The following CCDC92B variants were observed in gnomAD, a reference collection of about 807,000 sequenced individuals.
CCDC92B encodes the protein coiled-coil domain-containing 92B.
A neutral mutation model predicts 5.6 loss-of-function variants in CCDC92B; 2 were observed. That is an observed-to-expected ratio of 0.36 (90% CI 0.15 to 1.12). The LOEUF (loss-of-function observed/expected upper bound fraction) is 1.12. CCDC92B is among the 50% of genes most tolerant of loss of function. CCDC92B has a pLI of 0.40. For synonymous variants in CCDC92B, 115 were observed against 122.3 expected (o/e 0.94, Z 0.39); for missense variants, 271 against 262.2 (o/e 1.03, Z -0.23).
intron 1 of CCDC92B, among the ~76,000 whole-genome samples, chr17:2,740,359 C>T (rs1329067472): frequency 6.6e-6 from 1 of 151,878 alleles, no homozygotes; most frequent in Non-Finnish European, 1.5e-5. Flanking sequence ...GTGGGCCTGA[C>T]CTAATTAGGC....
Position 2,724,567 on chromosome 17 carries a change from G to A in CCDC92B, c.612C>T (p.Ala204=). Residue 204 remains alanine (A), a synonymous_variant, in exon 4 of 4, where the codon GCC becomes GCT. Transcript: ENST00000614400. This position sits in a 1 kb window ranked among gnomAD's most constrained non-coding sequence, Gnocchi z 5.0. ...WDRGAGALDD[A]DPMPDPALFL... ...AGAGCGCGGGGTCGGGCATGGGGTC[G>A]GCGTCGTCGAGGGCGCCGGCCCCGC... 1 of 982,184 alleles carries A rather than the reference G, an allele frequency of 1.0e-6. No individual in the cohort carries two copies. Among genetic ancestry groups the A allele is most frequent in the Non-Finnish European group, 1.2e-6 (1 of 828,616 alleles). 60.8% of individuals were successfully genotyped at this position (982,184 alleles called of 1,614,324 possible).
At chr17:2,739,546 G>A (rs547037982) in intron 1 of CCDC92B, among the ~76,000 whole-genome samples, 38 of 151,872 alleles carry the variant, frequency 2.5e-4, no homozygotes, top group African/African-American at 8.2e-4. Context: ...GCTGGGCGTG[G>A]TGGCGGGTGC....
At chr17:2,746,837 A>AT (rs2070992885) in intron 1 of CCDC92B, among the ~76,000 whole-genome samples, 1 of 151,732 alleles carries the variant, frequency 6.6e-6, no homozygotes. Flanking sequence ...ACACCCAGCT[A>AT]TTTTTTGTAT....
At chr17:2,736,711 C>T (rs888603718) in intron 1 of CCDC92B, among the ~76,000 whole-genome samples, 1 of 151,618 alleles carries the variant, frequency 6.6e-6, no homozygotes, top group African/African-American at 2.4e-5. Context: ...AACCCCATCT[C>T]TACTAAAAAT....
intron 3 of CCDC92B, among the ~76,000 whole-genome samples, chr17:2,725,423 C>T (rs927584129): frequency 2.6e-5 from 4 of 151,710 alleles, no homozygotes; most frequent in African/African-American, 7.3e-5. Context: ...CCCCACTCCT[C>T]CCCACGTCCC....
intron 1 of CCDC92B, among the ~76,000 whole-genome samples, chr17:2,740,368 G>A (rs2070912427): frequency 6.6e-6 from 1 of 151,882 alleles, no homozygotes. Context: ...ACCTAATTAG[G>A]CAAAACCCTG....
chr17:2,737,664 AT>A (rs1304516646), intron 1 of CCDC92B, among the ~76,000 whole-genome samples: 2 of 151,058 alleles, frequency 1.3e-5, no homozygotes, highest in Non-Finnish European at 2.9e-5. Flanking sequence ...TTTAGTAGAG[AT>A]GGGGGTTTCA....
At chr17:2,749,058 A>T (rs2071023088) in intron 1 of CCDC92B, among the ~76,000 whole-genome samples, 1 of 151,580 alleles carries the variant, frequency 6.6e-6, no homozygotes, top group Non-Finnish European at 1.5e-5. Flanking sequence ...CTCCAATATG[A>T]CTCCCAGGGA....
intron 2 of CCDC92B, among the ~76,000 whole-genome samples, chr17:2,734,262 C>T (rs762547815): frequency 5.1e-4 from 78 of 152,136 alleles, no homozygotes; most frequent in Non-Finnish European, 9.8e-4. Flanking sequence ...GCACCCCCTC[C>T]TCTGGGGAGC....
chr17:2,749,203 C>CGCCCGGCAGT (rs2151747433), intron 1 of CCDC92B, among the ~76,000 whole-genome samples: 1 of 152,164 alleles, frequency 6.6e-6, no homozygotes, highest in Non-Finnish European at 1.5e-5. Flanking sequence ...CCGCTCTGGA[C>CGCCCGGCAGT]GCCCGGCAGT....
At chr17:2,741,241 T>G (rs73976579) in intron 1 of CCDC92B, among the ~76,000 whole-genome samples, 5,355 of 152,118 alleles carry the variant, frequency 0.035, 353 homozygotes, top group African/African-American at 0.12. Flanking sequence ...TGTCTCAAAC[T>G]TTCTGCTAAG....
intron 1 of CCDC92B, among the ~76,000 whole-genome samples, chr17:2,739,624 G>A (rs555501209): frequency 9.9e-5 from 15 of 152,128 alleles, no homozygotes; most frequent in African/African-American, 3.1e-4. Context: ...GGAGCTTGCA[G>A]TGAGCCAAGA....
chr17:2,749,147 G>A (rs1423525816), intron 1 of CCDC92B, among the ~76,000 whole-genome samples: 1 of 152,232 alleles, frequency 6.6e-6, no homozygotes, highest in Non-Finnish European at 1.5e-5. Flanking sequence ...AAAGGCAGCA[G>A]AAATAAAGGT....
chr17:2,734,913 T>C (rs2070840758), intron 2 of CCDC92B, 103 bp downstream of exon 2: 9 of 860,530 alleles, frequency 1.0e-5, no homozygotes, highest in Admixed American at 6.2e-5. Flanking sequence ...ATCGGTGCAG[T>C]GTGAGGCTCA....
At chr17:2,739,131 G>A (rs1304276178) in intron 1 of CCDC92B, among the ~76,000 whole-genome samples, 4 of 151,670 alleles carry the variant, frequency 2.6e-5, no homozygotes, top group Non-Finnish European at 5.9e-5. Context: ...ACTTTGGGAG[G>A]CCAAGGTGGG....
In CCDC92B at chr17:2,731,968, G is replaced by A. The variant is rs113279952; in HGVS notation, c.131-1475C>T. Among the ~76,000 whole-genome samples the A allele has an allele frequency of 4.3e-3, 659 of 152,290 alleles. 1 individual carries two copies. The highest frequency in any genetic ancestry group is 7.7e-3 in the Non-Finnish European group (522 of 68,024). On this transcript the variant is annotated intron_variant, in intron 2 of 3. Coordinates refer to ENST00000614400, the MANE Select transcript of CCDC92B (RefSeq NM_001355573.2). ...ATGAGCGTGCTGTGAGGTCAGATAC[G>A]CTGTGTGACCTTGGGCCAGTAACAG... is the stretch of plus-strand genomic sequence containing the variant.
intron 1 of CCDC92B, among the ~76,000 whole-genome samples, chr17:2,736,439 T>C (rs1759950749): frequency 6.7e-6 from 1 of 148,378 alleles, no homozygotes; most frequent in African/African-American, 2.5e-5. Flanking sequence ...AATAAATAAA[T>C]TAAATTAAAT....
chr17:2,740,992 A>G (rs920432984), intron 1 of CCDC92B, among the ~76,000 whole-genome samples: 13 of 145,112 alleles, frequency 9.0e-5, no homozygotes, highest in Non-Finnish European at 1.5e-4. Context: ...AAAAAAAAAA[A>G]GAGCCAGACT....
In CCDC92B at chr17:2,723,906, G is replaced by C. The variant is rs1198908678; in HGVS notation, c.*505C>G. The C allele has an allele frequency of 2.7e-5, 26 of 974,376 alleles. No individual in the cohort carries two copies. Among genetic ancestry groups the C allele is most frequent in the Non-Finnish European group, 3.0e-5 (25 of 826,392 alleles). 60.4% of individuals were successfully genotyped at this position (974,376 alleles called of 1,614,324 possible). On this transcript the variant is annotated 3_prime_UTR_variant, in exon 4 of 4. Coordinates refer to ENST00000614400, the MANE Select transcript of CCDC92B (RefSeq NM_001355573.2). ...GGTCAGGGTGGGGGTAGAAGGACCA[G>C]CCCCTAGCCTGGGCCTCTCCTGGGG...
Sources: gnomAD v4.1 joint callset for allele counts (sites outside exome capture counted in the v4.1 genomes callset) on GRCh38, gnomAD v4.1.1 for gene constraint, Gnocchi (gnomAD v3.1) non-coding constraint, MANE v1.5 for transcripts, NCBI Gene and HGNC (gene_info 2026-07-23, HGNC 2026-07-21) for gene names.